Variants in PTPRD observed in about 807,000 individuals in gnomAD.
PTPRD encodes the protein protein tyrosine phosphatase receptor type D.
Under a neutral mutation model 214.5 loss-of-function variants are expected in PTPRD, and 34 were observed. The ratio of observed to expected loss-of-function variants is 0.16; its 90% CI spans 0.12 to 0.21. The LOEUF (loss-of-function observed/expected upper bound fraction) is 0.21, where lower values mean the gene tolerates loss of function less well. Among genes scored for constraint, PTPRD ranks in the 10% least tolerant of loss-of-function variants. PTPRD has a pLI of 1.00. For synonymous variants in PTPRD, 1,128 were observed against 845.7 expected, an observed-to-expected ratio of 1.33 and a Z score of -5.79; for missense variants, 2,545 against 2,398.7, an observed-to-expected ratio of 1.06 and a Z score of -1.27.
intron 10 of PTPRD, among the ~76,000 whole-genome samples, chr9:9,083,098 A>G (rs1435410392): frequency 6.6e-6 from 1 of 152,210 alleles, no homozygotes; most frequent in Non-Finnish European, 1.5e-5. Context: ...AGTCAAGACA[A>G]TCCTAAGCAA....
chr9:9,692,012 C>G (rs2097280951), intron 7 of PTPRD, among the ~76,000 whole-genome samples: 1 of 151,922 alleles, frequency 6.6e-6, no homozygotes, highest in Admixed American at 6.6e-5. Flanking sequence ...TCCATATATA[C>G]TCTGGTTATT....
chr9:10,389,336 T>G (rs991577113), intron 2 of PTPRD, among the ~76,000 whole-genome samples: 1 of 151,882 alleles, frequency 6.6e-6, no homozygotes, highest in Non-Finnish European at 1.5e-5. Flanking sequence ...ATCTGACATT[T>G]TGGAAATTAG....
intron 8 of PTPRD, among the ~76,000 whole-genome samples, chr9:9,474,547 A>G (rs1268348876): frequency 6.6e-6 from 1 of 152,088 alleles, no homozygotes; most frequent in African/African-American, 2.4e-5. Flanking sequence ...GGTAATTTTA[A>G]AAATATTAAT....
intron 10 of PTPRD, among the ~76,000 whole-genome samples, chr9:9,147,407 T>G (rs530174608): frequency 2.1e-4 from 32 of 152,200 alleles, no homozygotes; most frequent in African/African-American, 6.7e-4. Context: ...AGGCCCTTAT[T>G]TGGCACTTAC....
At chr9:9,428,510 G>C (rs376008944) in intron 8 of PTPRD, among the ~76,000 whole-genome samples, 4 of 152,166 alleles carry the variant, frequency 2.6e-5, no homozygotes, top group South Asian at 2.1e-4. Context: ...AGAAAGTTAA[G>C]AAGGATATCC....
In PTPRD at chr9:8,980,368, AT is replaced by A. The variant is rs149679141; in HGVS notation, c.-104+38328del. ...TGTATTATATTAGGGATTTAAAAAAATAAGTAGATTTTAGCTGCTTTTGTCA... is the reference window on the plus strand; with the variant it reads ...TGTATTATATTAGGGATTTAAAAAAAAAGTAGATTTTAGCTGCTTTTGTCA... On this transcript the variant is annotated intron_variant, in intron 11 of 45. Transcript: ENST00000381196. Among the ~76,000 whole-genome samples, 1,069 of 152,182 alleles carry A rather than the reference AT, an allele frequency of 7.0e-3. 6 individuals are homozygous for A. Among genetic ancestry groups the A allele is most frequent in the Non-Finnish European group, 0.011 (766 of 67,994 alleles).
At chr9:10,568,746 C>A (rs1265893135) in intron 2 of PTPRD, among the ~76,000 whole-genome samples, 1 of 152,104 alleles carries the variant, frequency 6.6e-6, no homozygotes, top group Non-Finnish European at 1.5e-5. Context: ...TGGATCCCTT[C>A]CTTACACTTT....
At chr9:9,140,176 G>A (rs2099857690) in intron 10 of PTPRD, among the ~76,000 whole-genome samples, 1 of 147,934 alleles carries the variant, frequency 6.8e-6, no homozygotes, top group South Asian at 2.1e-4. Flanking sequence ...GGGTCACTAT[G>A]TAAATCCATG....
chr9:9,271,922 G>A (rs968391103), intron 9 of PTPRD, among the ~76,000 whole-genome samples: 45 of 151,438 alleles, frequency 3.0e-4, no homozygotes, highest in African/African-American at 1.1e-3. Context: ...GCATAATTGA[G>A]AAACTTCATT....
At chr9:10,536,884 G>A (rs1007198531) in intron 2 of PTPRD, among the ~76,000 whole-genome samples, 1 of 152,028 alleles carries the variant, frequency 6.6e-6, no homozygotes, top group African/African-American at 2.4e-5. Context: ...TTAGTAATTG[G>A]CAATGCTTTA....
chr9:8,541,107 T>A (rs1278767032), intron 14 of PTPRD, among the ~76,000 whole-genome samples: 3 of 152,218 alleles, frequency 2.0e-5, no homozygotes, highest in South Asian at 2.1e-4. Flanking sequence ...AGATAACTTA[T>A]ATGTCTCAGA....
At chr9:9,397,289 T>G (rs1471874774) in intron 9 of PTPRD, among the ~76,000 whole-genome samples, 160 bp downstream of exon 9, 1 of 151,942 alleles carries the variant, frequency 6.6e-6, no homozygotes, top group African/African-American at 2.4e-5. Flanking sequence ...TACTTTTAAT[T>G]GAAAAGAAGA....
At chr9:8,702,850 G>A (rs1051001039) in intron 12 of PTPRD, among the ~76,000 whole-genome samples, 3 of 152,144 alleles carry the variant, frequency 2.0e-5, no homozygotes, top group South Asian at 2.1e-4. Flanking sequence ...CTTGTGATTC[G>A]CCCGCCTCGG....
chr9:8,659,720 T>G (rs1183700275), intron 12 of PTPRD, among the ~76,000 whole-genome samples: 1 of 152,204 alleles, frequency 6.6e-6, no homozygotes, highest in African/African-American at 2.4e-5. Context: ...TCACAGCCAT[T>G]TCATCATTTT....
intron 4 of PTPRD, among the ~76,000 whole-genome samples, chr9:9,963,722 G>A (rs549595809): frequency 3.9e-5 from 6 of 152,186 alleles, no homozygotes; most frequent in Non-Finnish European, 7.4e-5. Context: ...AGGACAAAGC[G>A]ATTATCAACT....
chr9:10,253,310 T>C (rs1430451604), intron 3 of PTPRD, among the ~76,000 whole-genome samples: 1 of 151,936 alleles, frequency 6.6e-6, no homozygotes, highest in Non-Finnish European at 1.5e-5. Context: ...AAGAGAAGAG[T>C]ATTTCCATCA....
At chr9:9,608,159 A>T (rs183648351) in intron 7 of PTPRD, among the ~76,000 whole-genome samples, 4 of 152,272 alleles carry the variant, frequency 2.6e-5, no homozygotes, top group African/African-American at 9.6e-5. Context: ...ATTGATTGAC[A>T]TAAGAATTAA....
At position 10,317,451 on chromosome 9, in the gene PTPRD, T is replaced by C. The variant is rs575488924; in HGVS notation, c.-545+23512A>G. Among the ~76,000 whole-genome samples, 11 of 151,902 alleles carry C rather than the reference T, an allele frequency of 7.2e-5. No homozygotes were observed. In the South Asian group the frequency reaches 1.2e-3, roughly 17 times the overall value. On this transcript the variant is annotated intron_variant, in intron 3 of 45. Coordinates refer to ENST00000381196, the MANE Select transcript of PTPRD (RefSeq NM_002839.4). ...CAAATTTGGCAGTTTTGAATACTTA[T>C]ATGGAGCAAAAAAAGGAAAGTATAA...
intron 4 of PTPRD, among the ~76,000 whole-genome samples, chr9:10,032,581 C>T (rs186716746): frequency 6.6e-6 from 1 of 152,308 alleles, no homozygotes; most frequent in Admixed American, 6.5e-5. Context: ...ACATCAGCCA[C>T]ATGTACAAGC....
Sources: allele counts gnomAD v4.1 joint callset (sites outside exome capture counted in the v4.1 genomes callset), GRCh38; gene constraint gnomAD v4.1.1; transcripts MANE v1.5; gene names NCBI Gene and HGNC (gene_info 2026-07-23, HGNC 2026-07-21).